IGF1R: variants seen among roughly 807,000 people sequenced by gnomAD.
The protein encoded by IGF1R is insulin-like growth factor 1 receptor.
A neutral mutation model predicts 144.6 loss-of-function variants in IGF1R; 44 were observed. The observed-to-expected ratio is 0.30, with a 90% CI of 0.24 to 0.39. IGF1R has a LOEUF of 0.39. Among genes scored for constraint, IGF1R ranks in the 10% least tolerant of loss-of-function variants. The pLI, the probability that IGF1R is intolerant of heterozygous loss-of-function variation, is 1.00. For missense variants in IGF1R, 1,355 were observed against 1,833.7 expected (o/e 0.74, Z 4.77); for synonymous variants, 795 against 722.8 (o/e 1.10, Z -1.60).
At chr15:98,700,214 T>C (rs1409463585) in intron 1 of IGF1R, among the ~76,000 whole-genome samples, 2 of 152,142 alleles carry the variant, frequency 1.3e-5, no homozygotes, top group African/African-American at 4.8e-5. Context: ...GCTGAGACCT[T>C]GAAGGGCACA....
At chr15:98,676,886 T>G (rs1185588268) in intron 1 of IGF1R, among the ~76,000 whole-genome samples, 1 of 152,142 alleles carries the variant, frequency 6.6e-6, no homozygotes, top group Admixed American at 6.6e-5. Context: ...AAGGAATCTT[T>G]ATTCCCCATT....
intron 19 of IGF1R, among the ~76,000 whole-genome samples, chr15:98,948,084 G>A (rs534652429): frequency 2.0e-5 from 3 of 151,660 alleles, no homozygotes; most frequent in Non-Finnish European, 3.0e-5. Context: ...TTCCAAAATT[G>A]TCTGATTGTA....
At chr15:98,942,866 G>C in intron 18 of IGF1R, 57 bp from the exon 19 acceptor site, 8 of 1,611,686 alleles carry the variant, frequency 5.0e-6, no homozygotes, top group Non-Finnish European at 6.8e-6. Flanking sequence ...GTCCTCTGCT[G>C]TGACAGCAGT....
At chr15:98,692,549 A>G (rs1047340862) in intron 1 of IGF1R, among the ~76,000 whole-genome samples, 1 of 152,174 alleles carries the variant, frequency 6.6e-6, no homozygotes, top group African/African-American at 2.4e-5. Flanking sequence ...AATTGTCAGA[A>G]GTGTATTTAT....
intron 1 of IGF1R, among the ~76,000 whole-genome samples, chr15:98,680,410 GCGCCTGCCACCA>G (rs1156533744): frequency 6.6e-5 from 10 of 152,076 alleles, no homozygotes; most frequent in African/African-American, 2.4e-4. Context: ...GGGACTACAG[GCGCCTGCCACCA>G]CGCCTGGCTA....
chr15:98,746,421 A>C (rs2054867595), intron 2 of IGF1R, among the ~76,000 whole-genome samples: 1 of 152,168 alleles, frequency 6.6e-6, no homozygotes, highest in Admixed American at 6.5e-5. Context: ...GACTTGCCGG[A>C]AAACCAAACA....
chr15:98,826,582 G>A (rs138443594), intron 2 of IGF1R, among the ~76,000 whole-genome samples: 90 of 152,244 alleles, frequency 5.9e-4, no homozygotes, highest in African/African-American at 2.1e-3. Context: ...GACTTCCTTT[G>A]GAATTTGTTT....
Position 98,957,171 on chromosome 15 carries a change from C to T in IGF1R, c.3833C>T (p.Ser1278Phe). The change falls in exon 21 of 21, where the codon TCC (serine) becomes TTC (phenylalanine). Residue 1278 changes from serine (S) to phenylalanine (F), a missense_variant. Around this residue, in one of 7 missense-constraint regions of IGF1R, gnomAD observed 219 missense variants for 188.8 expected, o/e 1.16. Transcript: ENST00000650285. ...ATGGAGCCTGGCTTCCGGGAGGTCT[C>T]CTTCTACTACAGCGAGGAGAACAAG... ...EEMEPGFREV[S>F]FYYSEENKLP... 1 of 1,614,238 alleles carries T rather than the reference C, an allele frequency of 6.2e-7. No homozygotes were observed. Among genetic ancestry groups the T allele is most frequent in the Non-Finnish European group, 8.5e-7 (1 of 1,180,048 alleles).
rs143223923 is a variant in IGF1R at position 98,952,303 on chromosome 15, A to AACACACACACACACACACACAC, written c.3722+3602_3722+3623dup. On this transcript the variant is annotated intron_variant, in intron 20 of 20. Coordinates refer to ENST00000650285, the MANE Select transcript of IGF1R (RefSeq NM_000875.5). ...CCTGGCTACCCCCCAGTACCCCACC[A>AACACACACACACACACACACAC]ACACACACACACACACACACACACA... Among the ~76,000 whole-genome samples, 441 of 146,666 alleles carry AACACACACACACACACACACAC rather than the reference A, an allele frequency of 3.0e-3. 4 individuals carry two copies. The highest frequency in any genetic ancestry group is 8.2e-3 in the African/African-American group (324 of 39,376).
rs554113924 is a variant in IGF1R at position 98,901,874 on chromosome 15, C to T, written c.1247+2253C>T. On this transcript the variant is annotated intron_variant, in intron 5 of 20. Coordinates refer to ENST00000650285, the MANE Select transcript of IGF1R (RefSeq NM_000875.5). ...CAGGAGCAAAGGCAACGAGTTGGGG[C>T]ATCCTGGGGCCTGTTGGGCAACTAA... Among the ~76,000 whole-genome samples, 3 of 152,244 alleles carry T rather than the reference C, an allele frequency of 2.0e-5. No homozygotes were observed. The South Asian group carries it at 6.2e-4, about 32-fold the overall frequency.
At chr15:98,899,887 A>G (rs1289280981) in intron 5 of IGF1R, among the ~76,000 whole-genome samples, 1 of 152,170 alleles carries the variant, frequency 6.6e-6, no homozygotes, top group African/African-American at 2.4e-5. Flanking sequence ...GACTGTGACC[A>G]GTGAGACGGC....
chr15:98,960,481 T>C lies in IGF1R; in HGVS notation c.*3039T>C, dbSNP rs555908292. 4.3e-6 allele frequency: 1 copy of C among 233,134 alleles called. No individual in the cohort carries two copies. Among genetic ancestry groups the C allele is most frequent in the Non-Finnish European group, 8.5e-6 (1 of 118,040 alleles). 14.4% of individuals were successfully genotyped at this position (233,134 alleles called of 1,614,324 possible). A position where few individuals can be genotyped will look rare whatever the true frequency, so the allele number is the denominator to read the frequency against. On this transcript the variant is annotated 3_prime_UTR_variant, in exon 21 of 21. Transcript: ENST00000650285. ...ATGGAATGACCAACACATTTCGTCC[T>C]TAAGAGAGCAGTGGTTCCTCAGGTT...
At position 98,916,041 on chromosome 15, in the gene IGF1R, C is replaced by T. The variant is rs2151681277; in HGVS notation, c.1906C>T (p.Leu636=). 6.2e-7 allele frequency: 1 copy of T among 1,614,220 alleles called. No individual in the cohort carries two copies. The highest frequency in any genetic ancestry group is 1.1e-5 in the South Asian group (1 of 91,086). The change falls in exon 9 of 21, where the codon CTG becomes TTG. Residue 636 remains leucine (L), a synonymous_variant. Transcript: ENST00000650285. ...AATCGTGAAGTGGAACCCTCCCTCT[C>T]TGCCCAACGGCAACCTGAGTTACTA... The part of the protein sequence containing the change: ...QLIVKWNPPS[L]PNGNLSYYIV...
chr15:98,909,242 CTT>C (rs987205967), intron 6 of IGF1R, among the ~76,000 whole-genome samples: 2 of 60,014 alleles, frequency 3.3e-5, no homozygotes, highest in Admixed American at 5.1e-4. Flanking sequence ...TTTTTCTTTT[CTT>C]TTTTTTCTTT....
chr15:98,862,909 A>C (rs1365234881), intron 2 of IGF1R, among the ~76,000 whole-genome samples: 1 of 152,226 alleles, frequency 6.6e-6, no homozygotes, highest in African/African-American at 2.4e-5. Context: ...AACATCTTAC[A>C]TAACCGTAAT....
chr15:98,895,354 C>G (rs1001374908), intron 3 of IGF1R, among the ~76,000 whole-genome samples: 19 of 152,038 alleles, frequency 1.2e-4, no homozygotes, highest in African/African-American at 4.3e-4. Flanking sequence ...TGGGATCTCT[C>G]TGTAACTTTC....
chr15:98,815,037 T>A (rs2056666604), intron 2 of IGF1R, among the ~76,000 whole-genome samples: 1 of 152,232 alleles, frequency 6.6e-6, no homozygotes, highest in Non-Finnish European at 1.5e-5. Context: ...GAAAAATAAT[T>A]AGTAGTACAA....
At position 98,939,379 on chromosome 15, in the gene IGF1R, AG is replaced by A; in HGVS notation, c.3457+21del. ...ATCGGAGGTGTGTCCTTAGCTTTCC[AG>A]GTCTGGGCAAGAACTAAACTCAGGT... On this transcript the variant is annotated intron_variant, in intron 18 of 20. Coordinates refer to ENST00000650285, the MANE Select transcript of IGF1R (RefSeq NM_000875.5). 3 of 1,613,624 alleles carry A rather than the reference AG, an allele frequency of 1.9e-6. No homozygotes were observed. Among genetic ancestry groups the A allele is most frequent in the Non-Finnish European group, 2.5e-6 (3 of 1,179,568 alleles).
At chr15:98,684,062 C>T (rs2053259624) in intron 1 of IGF1R, among the ~76,000 whole-genome samples, 2 of 152,172 alleles carry the variant, frequency 1.3e-5, no homozygotes, top group African/African-American at 4.8e-5. Context: ...GTCCCTCCCT[C>T]AGCCAGTTGT....
Sources: allele counts gnomAD v4.1 joint callset (sites outside exome capture counted in the v4.1 genomes callset), GRCh38; gene constraint gnomAD v4.1.1; regional missense constraint gnomAD v4.1.1; transcripts MANE v1.5; gene names NCBI Gene and HGNC (gene_info 2026-07-23, HGNC 2026-07-21).